The following EIF4A1 variants were observed in gnomAD, a reference collection of about 807,000 sequenced individuals.
EIF4A1 encodes the protein eukaryotic translation initiation factor 4A1.
Under a neutral mutation model 53.5 loss-of-function variants are expected in EIF4A1, and 11 were observed. The observed-to-expected ratio is 0.21, with a 90% CI of 0.13 to 0.34. The LOEUF is 0.34. Ranked by LOEUF, EIF4A1 falls within the 10% of genes least tolerant of loss-of-function variation. The pLI, the probability that EIF4A1 is intolerant of heterozygous loss-of-function variation, is 1.00. For synonymous variants in EIF4A1, 237 were observed against 186.7 expected, an observed-to-expected ratio of 1.27 and a Z score of -2.20; for missense variants, 213 against 530.8, an observed-to-expected ratio of 0.40 and a Z score of 5.88.
At position 7,578,992 on chromosome 17, in the gene EIF4A1, G is replaced by A. The variant is rs192649386; in HGVS notation, c.*506G>A. 9 of 154,584 alleles carry A rather than the reference G, an allele frequency of 5.8e-5. No homozygotes were observed. In the East Asian group the frequency reaches 1.7e-3, roughly 30 times the overall value. 9.6% of individuals were successfully genotyped at this position (154,584 alleles called of 1,614,324 possible). Reference sequence around the variant, plus strand: ...ACAAACACAAAATTCTGAATAAAATGACTTGGAAACTGCCTGTTTGGGCTT... The same window carrying A: ...ACAAACACAAAATTCTGAATAAAATAACTTGGAAACTGCCTGTTTGGGCTT... On this transcript the variant is annotated 3_prime_UTR_variant, in exon 11 of 11. Transcript: ENST00000293831.
rs1567736394 is a variant in EIF4A1, at chr17:7,578,842, A to C, written c.*356A>C. On this transcript the variant is annotated 3_prime_UTR_variant, in exon 11 of 11. Transcript: ENST00000293831. ...GCCTCATTTGCTGGACCAAATCTGG[A>C]GGGAGAACCCCTAAAACCCCTAAGT... The C allele has an allele frequency of 5.6e-6, 1 of 178,808 alleles. No individual in the cohort carries two copies. Among genetic ancestry groups the C allele is most frequent in the Non-Finnish European group, 1.2e-5 (1 of 84,876 alleles). 11.1% of individuals were successfully genotyped at this position (178,808 alleles called of 1,614,324 possible).
chr17:7,578,322 T>A lies in EIF4A1; in HGVS notation c.1077-20T>A. 1 of 1,612,856 alleles carries A rather than the reference T, an allele frequency of 6.2e-7. No individual in the cohort carries two copies. The highest frequency in any genetic ancestry group is 8.5e-7 in the Non-Finnish European group (1 of 1,179,214). On this transcript the variant is annotated intron_variant, in intron 10 of 10. Transcript: ENST00000293831. ...GGCTTAAAGCTCCTGATATTCCTCA[T>A]CCCCTTCCTTGTTTTCCAGAATCGG...
At chr17:7,576,355 C>T (rs2071401754) in intron 4 of EIF4A1, among the ~76,000 whole-genome samples, 169 bp from the exon 5 acceptor site, 1 of 152,222 alleles carries the variant, frequency 6.6e-6, no homozygotes, top group Admixed American at 6.5e-5. Flanking sequence ...CTATTGACAG[C>T]ACGATCTTAA....
chr17:7,577,560 A>G lies in EIF4A1; in HGVS notation c.769-9A>G. On this transcript the variant is annotated splice_polypyrimidine_tract_variant and intron_variant, in intron 7 of 10. Transcript: ENST00000293831. The surrounding 1 kb of genome is among the most constrained non-coding windows in gnomAD (Gnocchi z 4.7). ...AGCCCCTGACTGATTTTTGTCCCCC[A>G]ACCTCCAGGAGTGGAAGCTGGACAC... 1 of 1,612,852 alleles carries G rather than the reference A, an allele frequency of 6.2e-7. No homozygotes were observed. Among genetic ancestry groups the G allele is most frequent in the Non-Finnish European group, 8.5e-7 (1 of 1,179,224 alleles).
chr17:7,577,994 C>T lies in EIF4A1; in HGVS notation c.996+78C>T, dbSNP rs773044382. The T allele has an allele frequency of 1.3e-6, 2 of 1,594,794 alleles. No homozygotes were observed. The highest frequency in any genetic ancestry group is 2.2e-5 in the South Asian group (2 of 90,520). ...CCTCTCCAAGGGGACATCAGTGCCT[C>T]TCAGGAAAGTAGCAGCTTGGAATAG... On this transcript the variant is annotated intron_variant, in intron 9 of 10. Transcript: ENST00000293831. This position sits in a 1 kb window ranked among gnomAD's most constrained non-coding sequence, Gnocchi z 4.7.
chr17:7,573,745 G>C (rs1410214591), intron 1 of EIF4A1: 3 of 157,386 alleles, frequency 1.9e-5, no homozygotes, highest in Non-Finnish European at 2.8e-5. Context: ...TTGTGCGCGA[G>C]GCCGCCACCG....
rs1304836194 is a variant in EIF4A1 at position 7,573,024 on chromosome 17, C to T, written c.23+160C>T. On this transcript the variant is annotated intron_variant, in intron 1 of 10. Coordinates refer to ENST00000293831, the MANE Select transcript of EIF4A1 (RefSeq NM_001416.4). The stretch of plus-strand genomic sequence containing the variant: ...AGGGGCGAGGGGGAAGACCCACGGC[C>T]GACGCGGCCACCAGGTCGAGGCGGA... Among the ~76,000 whole-genome samples, 3 of 152,074 alleles carry T rather than the reference C, an allele frequency of 2.0e-5. No homozygotes were observed. In the East Asian group the frequency reaches 5.9e-4, roughly 30 times the overall value.
intron 4 of EIF4A1, chr17:7,575,990 T>C (rs9897535): frequency 0.14 from 21,782 of 156,610 alleles, 1,658 homozygotes; most frequent in South Asian, 0.17. Flanking sequence ...CTGGCCAACA[T>C]AGTGAAACCC....
chr17:7,573,365 C>T (rs1283445669), intron 1 of EIF4A1: 4 of 191,364 alleles, frequency 2.1e-5, no homozygotes, highest in Non-Finnish European at 4.4e-5. Context: ...GAGAAGAAAC[C>T]GGCCGTTCAG....
rs1456222991 is a variant in EIF4A1, at chr17:7,577,346, A to G, written c.627A>G (p.Val209=). 1 of 1,613,852 alleles carries G rather than the reference A, an allele frequency of 6.2e-7. No homozygotes were observed. The highest frequency in any genetic ancestry group is 1.1e-5 in the South Asian group (1 of 91,054). Residue 209 remains valine (V), a splice_region_variant and synonymous_variant, in exon 7 of 11, where the codon GTA becomes GTG. Transcript: ENST00000293831. The surrounding 1 kb of genome is among the most constrained non-coding windows in gnomAD (Gnocchi z 4.7). ...IFQKLNSNTQ[V]VLLSATMPSD... ...AGACTGGCCTTTTTTTCCACTAGGT[A>G]GTTTTGCTGTCAGCCACAATGCCTT...
rs562969394 is a variant in EIF4A1, at chr17:7,577,768, C to A, written c.907-59C>A. The A allele has an allele frequency of 2.5e-6, 4 of 1,613,912 alleles. No homozygotes were observed. Among genetic ancestry groups the A allele is most frequent in the Admixed American group, 1.7e-5 (1 of 59,986 alleles). ...CCGTCAGAAGTGTCCTACTTGAAGCCAGGGTTCCTGGAACCCAGGTGCCTA... is the reference window on the plus strand; with the variant it reads ...CCGTCAGAAGTGTCCTACTTGAAGCAAGGGTTCCTGGAACCCAGGTGCCTA... On this transcript the variant is annotated intron_variant, in intron 8 of 10. Coordinates refer to ENST00000293831, the MANE Select transcript of EIF4A1 (RefSeq NM_001416.4). This position sits in a 1 kb window ranked among gnomAD's most constrained non-coding sequence, Gnocchi z 4.7.
chr17:7,573,972 C>CA (rs1305242328), intron 1 of EIF4A1: 1 of 438,196 alleles, frequency 2.3e-6, no homozygotes, highest in Non-Finnish European at 4.1e-6. Flanking sequence ...CGGCGGCAAG[C>CA]ACCACCTCTG....
At chr17:7,576,831 C>G (rs766373704) in intron 5 of EIF4A1, 139 bp downstream of exon 5, 2 of 1,472,968 alleles carry the variant, frequency 1.4e-6, no homozygotes, top group Non-Finnish European at 1.9e-6. Flanking sequence ...GGAGCCCATG[C>G]GTGTCATCTG....
intron 1 of EIF4A1, chr17:7,573,912 G>C: frequency 3.9e-6 from 1 of 254,456 alleles, no homozygotes; most frequent in Non-Finnish European, 7.7e-6. Flanking sequence ...GCTGCGGTGG[G>C]AGGTGCACGC....
In EIF4A1 at chr17:7,574,690, C is replaced by G; in HGVS notation, c.205+12C>G. 6.2e-7 allele frequency: 1 copy of G among 1,612,350 alleles called. No individual in the cohort carries two copies. The highest frequency in any genetic ancestry group is 8.5e-7 in the Non-Finnish European group (1 of 1,180,020). On this transcript the variant is annotated intron_variant, in intron 3 of 10. Transcript: ENST00000293831. ...ACCTTGTATCAAGGGTGAGACCTCT[C>G]AGTCCCAGAAGACATTGTGGACTGT...
At chr17:7,575,416 C>A in intron 4 of EIF4A1, 158 bp downstream of exon 4, 2 of 1,108,364 alleles carry the variant, frequency 1.8e-6, no homozygotes, top group Non-Finnish European at 2.7e-6. Context: ...CTATTTCTTA[C>A]CCAAACGTAA....
At chr17:7,575,369 C>T in intron 4 of EIF4A1, 111 bp downstream of exon 4, 4 of 1,480,372 alleles carry the variant, frequency 2.7e-6, no homozygotes, top group Non-Finnish European at 3.7e-6. Flanking sequence ...GACATGGGTG[C>T]CCTAACACTC....
In EIF4A1 at chr17:7,578,145, A is replaced by G; in HGVS notation, c.997-20A>G. 1.8e-5 allele frequency: 29 copies of G among 1,614,106 alleles called. No homozygotes were observed. The highest frequency in any genetic ancestry group is 2.5e-5 in the Non-Finnish European group (29 of 1,179,984). On this transcript the variant is annotated intron_variant, in intron 9 of 10. Coordinates refer to ENST00000293831, the MANE Select transcript of EIF4A1 (RefSeq NM_001416.4). ...AGTGTCCTCCGTGCACATGCTGAAG[A>G]GTTGTCTTTCTTGACGTAGGCCAGA...
chr17:7,575,040 T>G (rs2071382601), intron 3 of EIF4A1, 79 bp from the exon 4 acceptor site: 1 of 1,570,314 alleles, frequency 6.4e-7, no homozygotes, highest in Non-Finnish European at 8.7e-7. Context: ...TGGTTGCTTA[T>G]TGACCTCATT....
Sources: gnomAD v4.1 joint callset for allele counts (sites outside exome capture counted in the v4.1 genomes callset) on GRCh38, gnomAD v4.1.1 for gene constraint, Gnocchi (gnomAD v3.1) non-coding constraint, MANE v1.5 for transcripts, NCBI Gene and HGNC (gene_info 2026-07-23, HGNC 2026-07-21) for gene names.